Variants in RBMS3 observed in about 807,000 individuals in gnomAD.
RBMS3 encodes the protein RNA-binding motif, single-stranded-interacting protein 3.
In RBMS3, 27 loss-of-function variants were observed where a neutral mutation model predicts 66.8. That is an observed-to-expected ratio of 0.40 (90% confidence interval 0.30 to 0.56). RBMS3 has a LOEUF of 0.56. Among genes scored for constraint, RBMS3 ranks in the 20% least tolerant of loss-of-function variants. RBMS3 has a pLI of 0.40. For synonymous variants in RBMS3, 188 were observed against 183.0 expected (o/e 1.03, Z -0.22); for missense variants, 513 against 549.5 (o/e 0.93, Z 0.66).
At chr3:29,381,662 T>C (rs150444324) in intron 1 of RBMS3, among the ~76,000 whole-genome samples, 37 of 152,342 alleles carry the variant, frequency 2.4e-4, no homozygotes, top group African/African-American at 8.7e-4. Flanking sequence ...CTTTATCTTT[T>C]AATCTACTAT....
intron 6 of RBMS3, among the ~76,000 whole-genome samples, chr3:29,795,536 T>A (rs753124846): frequency 2.6e-5 from 4 of 152,244 alleles, no homozygotes; most frequent in Non-Finnish European, 5.9e-5. Flanking sequence ...AATGCAGTTT[T>A]GTTCATTGTT....
intron 3 of RBMS3, among the ~76,000 whole-genome samples, chr3:29,495,436 T>C (rs1178865897): frequency 1.4e-4 from 21 of 150,046 alleles, no homozygotes; most frequent in African/African-American, 4.7e-4. Context: ...TTTTTTTTTT[T>C]TTGAGACATA....
intron 7 of RBMS3, among the ~76,000 whole-genome samples, chr3:29,876,489 C>T (rs529834532): frequency 1.4e-4 from 21 of 152,192 alleles, no homozygotes; most frequent in Admixed American, 3.9e-4. Context: ...ATTTATAGAG[C>T]CTCTGCAATG....
chr3:29,311,546 T>C (rs1048820542), intron 1 of RBMS3, among the ~76,000 whole-genome samples: 6 of 151,818 alleles, frequency 4.0e-5, no homozygotes, highest in Non-Finnish European at 4.4e-5. Flanking sequence ...ATATGGCATG[T>C]GTTCCTGGGG....
At chr3:29,611,335 G>T (rs2048485795) in intron 4 of RBMS3, among the ~76,000 whole-genome samples, 1 of 151,932 alleles carries the variant, frequency 6.6e-6, no homozygotes, top group African/African-American at 2.4e-5. Context: ...AAACACGTTG[G>T]TGCCTGACCT....
At chr3:29,602,730 G>C (rs865876999) in intron 4 of RBMS3, among the ~76,000 whole-genome samples, 1 of 151,866 alleles carries the variant, frequency 6.6e-6, no homozygotes, top group South Asian at 2.1e-4. Flanking sequence ...ATACCTTTTT[G>C]TTATGGTAAA....
intron 1 of RBMS3, among the ~76,000 whole-genome samples, chr3:29,416,939 T>C (rs1022307222): frequency 6.6e-6 from 1 of 152,074 alleles, no homozygotes; most frequent in African/African-American, 2.4e-5. Context: ...CATTTATGAG[T>C]TGTGAAGCTG....
At chr3:29,458,791 G>T (rs1009195793) in intron 2 of RBMS3, among the ~76,000 whole-genome samples, 2 of 152,158 alleles carry the variant, frequency 1.3e-5, no homozygotes, top group African/African-American at 4.8e-5. Flanking sequence ...CATTGAATTT[G>T]CAAGTTACTT....
At chr3:29,448,364 T>A (rs1447541710) in intron 2 of RBMS3, among the ~76,000 whole-genome samples, 1 of 152,200 alleles carries the variant, frequency 6.6e-6, no homozygotes, top group African/African-American at 2.4e-5. Flanking sequence ...GAGGCGTATT[T>A]CCAGGGAATG....
At chr3:29,600,656 A>G (rs910857001) in intron 4 of RBMS3, among the ~76,000 whole-genome samples, 1 of 152,174 alleles carries the variant, frequency 6.6e-6, no homozygotes, top group African/African-American at 2.4e-5. Context: ...TTTGAGCAAC[A>G]TAAAGTAGCC....
chr3:29,793,830 T>A (rs1440611239), intron 6 of RBMS3, among the ~76,000 whole-genome samples: 1 of 152,232 alleles, frequency 6.6e-6, no homozygotes, highest in Non-Finnish European at 1.5e-5. Flanking sequence ...AAATCTCTAG[T>A]TGAAATGTAA....
intron 2 of RBMS3, among the ~76,000 whole-genome samples, chr3:29,482,089 T>C (rs2125820548): frequency 6.6e-6 from 1 of 152,292 alleles, no homozygotes; most frequent in Non-Finnish European, 1.5e-5. Flanking sequence ...CCTCTTTCTA[T>C]ATTAGTTGGC....
chr3:29,283,684 A>G (rs1454295762), intron 1 of RBMS3, among the ~76,000 whole-genome samples: 3 of 152,180 alleles, frequency 2.0e-5, no homozygotes, highest in African/African-American at 4.8e-5. Flanking sequence ...TAGGCGTCCT[A>G]TGTTGATATT....
At position 29,994,851 on chromosome 3, in the gene RBMS3, T is replaced by C. The variant is rs554996747; in HGVS notation, c.1307+3642T>C. 1.5e-3 allele frequency among the ~76,000 whole-genome samples: 222 copies of C among 152,248 alleles called. 1 individual carries two copies. The highest frequency in any genetic ancestry group is 5.1e-3 in the African/African-American group (210 of 41,550). Reference sequence around the variant, plus strand: ...AACAGAACAGGAAAACTGGAAACTCTAAAACGCAGAGTGCCTCTCCTCCTC... The same window carrying C: ...AACAGAACAGGAAAACTGGAAACTCCAAAACGCAGAGTGCCTCTCCTCCTC... On this transcript the variant is annotated intron_variant, in intron 14 of 14. Coordinates refer to ENST00000383767, the MANE Select transcript of RBMS3 (RefSeq NM_001003793.3).
At chr3:29,563,084 T>A (rs2046614652) in intron 3 of RBMS3, among the ~76,000 whole-genome samples, 1 of 152,182 alleles carries the variant, frequency 6.6e-6, no homozygotes, top group Non-Finnish European at 1.5e-5. Flanking sequence ...TGGTCTCCTG[T>A]GATTCTGGCC....
chr3:29,383,949 T>C (rs1035801688), intron 1 of RBMS3, among the ~76,000 whole-genome samples: 1 of 152,190 alleles, frequency 6.6e-6, no homozygotes, highest in Non-Finnish European at 1.5e-5. Context: ...ATGTTAACTA[T>C]ACGATAAGTA....
chr3:29,535,696 T>TC (rs200732698), intron 3 of RBMS3, among the ~76,000 whole-genome samples: 45,232 of 137,966 alleles, frequency 0.33, 8,145 homozygotes, highest in Middle Eastern at 0.41. Context: ...AGTTCAATGA[T>TC]TGAGATCATT....
chr3:29,412,573 T>G (rs995766844), intron 1 of RBMS3, among the ~76,000 whole-genome samples: 10 of 152,302 alleles, frequency 6.6e-5, no homozygotes, highest in African/African-American at 2.4e-4. Flanking sequence ...AGAATCATTG[T>G]TGACTAGACT....
At chr3:29,670,872 G>T (rs187000379) in intron 4 of RBMS3, among the ~76,000 whole-genome samples, 1 of 152,162 alleles carries the variant, frequency 6.6e-6, no homozygotes, top group South Asian at 2.1e-4. Context: ...AGACTTAAAC[G>T]CCCCTGTCTG....
Sources: allele counts gnomAD v4.1 joint callset (sites outside exome capture counted in the v4.1 genomes callset), GRCh38; gene constraint gnomAD v4.1.1; transcripts MANE v1.5; gene names NCBI Gene and HGNC (gene_info 2026-07-23, HGNC 2026-07-21).